ANKRD30B: variants seen among roughly 807,000 people sequenced by gnomAD.
ANKRD30B encodes ankyrin repeat domain 30B.
A neutral mutation model predicts 202.2 loss-of-function variants in ANKRD30B; 144 were observed. That is an observed-to-expected ratio of 0.71 (90% CI 0.62 to 0.82). The LOEUF is 0.82. ANKRD30B is among the 40% of genes least tolerant of loss of function. The pLI is 0.00. For synonymous variants in ANKRD30B, 508 were observed against 561.3 expected (o/e 0.91, Z 1.34); for missense variants, 1,487 against 1,669.1 (o/e 0.89, Z 1.90).
At chr18:14,898,546 G>A in the ANKRD30B span, among the ~76,000 whole-genome samples, 1 of 152,078 alleles carries the variant, frequency 6.6e-6, no homozygotes, top group Non-Finnish European at 1.5e-5. Context: ...AGGGGTTGGG[G>A]ACTCCTGCCG....
At chr18:14,849,223 G>A (rs1971784120) in intron 40 of ANKRD30B, among the ~76,000 whole-genome samples, 1 of 151,722 alleles carries the variant, frequency 6.6e-6, no homozygotes, top group Admixed American at 6.6e-5. Context: ...TATTATAAAT[G>A]CTACAAGACA....
At chr18:14,818,053 G>A (rs73429621) in intron 30 of ANKRD30B, among the ~76,000 whole-genome samples, 9,241 of 152,012 alleles carry the variant, frequency 0.061, 996 homozygotes, top group African/African-American at 0.21. Context: ...GTTGTACTGA[G>A]AAATAAAAAG....
At chr18:14,766,493 A>AAAAAGAAAAGAAAAGAAAAG (rs1209587925) in intron 7 of ANKRD30B, among the ~76,000 whole-genome samples, 1,326 of 84,804 alleles carry the variant, frequency 0.016, 60 homozygotes, top group Middle Eastern at 0.021. Context: ...AAAAAAAAAA[A>AAAAAGAAAAGAAAAGAAAAG]AAAAGAAAAG....
chr18:14,914,392 T>C, the ANKRD30B span, among the ~76,000 whole-genome samples: 1 of 152,318 alleles, frequency 6.6e-6, no homozygotes, highest in South Asian at 2.1e-4. Flanking sequence ...GGTAGCCTGC[T>C]TTAACTGTTA....
chr18:14,890,719 TTAAAGCAATTG>T, the ANKRD30B span, among the ~76,000 whole-genome samples: 1 of 144,396 alleles, frequency 6.9e-6, no homozygotes, highest in Non-Finnish European at 1.5e-5. Context: ...AAAATTCTAA[TTAAAGCAATTG>T]TAAATGATGG....
At chr18:14,927,785 T>C in the ANKRD30B span, among the ~76,000 whole-genome samples, 1 of 152,178 alleles carries the variant, frequency 6.6e-6, no homozygotes, top group Non-Finnish European at 1.5e-5. Flanking sequence ...CTATCTCAAA[T>C]ATATGCAGCT....
At chr18:14,811,304 C>T (rs2144064537) in intron 28 of ANKRD30B, among the ~76,000 whole-genome samples, 1 of 151,212 alleles carries the variant, frequency 6.6e-6, no homozygotes, top group Admixed American at 6.6e-5. Context: ...CTCCACCTCC[C>T]GGCTTCACGC....
At chr18:14,861,746 A>G in the ANKRD30B span, among the ~76,000 whole-genome samples, 33 of 152,258 alleles carry the variant, frequency 2.2e-4, no homozygotes, top group East Asian at 9.6e-4. Flanking sequence ...AAAACTAACA[A>G]TGAAACTGTG....
chr18:14,838,009 C>G (rs1485602045), intron 36 of ANKRD30B, among the ~76,000 whole-genome samples: 3 of 152,102 alleles, frequency 2.0e-5, no homozygotes, highest in Admixed American at 6.6e-5. Flanking sequence ...GAGCGAGACT[C>G]CATCTCAAAA....
intron 30 of ANKRD30B, among the ~76,000 whole-genome samples, chr18:14,820,879 A>T (rs1233000573): frequency 5.9e-5 from 9 of 152,184 alleles, no homozygotes; most frequent in Non-Finnish European, 8.8e-5. Context: ...TGGCCTCATA[A>T]AATGAGTTAG....
intron 24 of ANKRD30B, among the ~76,000 whole-genome samples, chr18:14,805,796 C>T (rs1032387045): frequency 4.7e-5 from 7 of 150,348 alleles, no homozygotes; most frequent in South Asian, 2.1e-4. Flanking sequence ...CTTATCTCCT[C>T]ATCACTCAGC....
chr18:14,749,553 C>T (rs1166748801), intron 1 of ANKRD30B, among the ~76,000 whole-genome samples: 7 of 151,568 alleles, frequency 4.6e-5, no homozygotes, highest in Non-Finnish European at 7.4e-5. Context: ...TGCCTGTAAT[C>T]CCAGCTACTT....
intron 34 of ANKRD30B, 23 bp downstream of exon 34, chr18:14,831,478 T>G (rs1568057906): frequency 1.7e-5 from 23 of 1,352,738 alleles, no homozygotes; most frequent in Non-Finnish European, 2.3e-5. Context: ...CTTGTTAAAT[T>G]GATTTTCTCA....
chr18:14,843,743 G>A (rs1304760601), intron 39 of ANKRD30B, among the ~76,000 whole-genome samples: 1 of 152,118 alleles, frequency 6.6e-6, no homozygotes, highest in African/African-American at 2.4e-5. Flanking sequence ...GCAGTGAGCC[G>A]AGATGGCGCC....
the ANKRD30B span, among the ~76,000 whole-genome samples, chr18:14,864,329 C>T: frequency 3.3e-5 from 5 of 151,988 alleles, no homozygotes; most frequent in Non-Finnish European, 5.9e-5. Flanking sequence ...AGCAGGACTC[C>T]GTCTCAAAAA....
At chr18:14,897,303 C>A in the ANKRD30B span, among the ~76,000 whole-genome samples, 1 of 152,094 alleles carries the variant, frequency 6.6e-6, no homozygotes, top group Non-Finnish European at 1.5e-5. Context: ...TCCTCAGCCT[C>A]CCCTGTAGCT....
At chr18:14,829,030 C>G (rs1404522650) in intron 33 of ANKRD30B, among the ~76,000 whole-genome samples, 3 of 152,072 alleles carry the variant, frequency 2.0e-5, no homozygotes, top group Non-Finnish European at 4.4e-5. Flanking sequence ...GTTGCATGCA[C>G]TCTTCATTTT....
intron 7 of ANKRD30B, among the ~76,000 whole-genome samples, chr18:14,767,869 G>A (rs1215311657): frequency 6.6e-6 from 1 of 152,176 alleles, no homozygotes; most frequent in African/African-American, 2.4e-5. Context: ...GACTATGGTT[G>A]ACCATGAATA....
At chr18:14,876,593 G>A in the ANKRD30B span, among the ~76,000 whole-genome samples, 1 of 152,188 alleles carries the variant, frequency 6.6e-6, no homozygotes, top group Non-Finnish European at 1.5e-5. Context: ...CAGCAGGTTG[G>A]ATTCAGGTTA....
Sources: gnomAD v4.1 joint callset for allele counts (sites outside exome capture counted in the v4.1 genomes callset) on GRCh38, gnomAD v4.1.1 for gene constraint, MANE v1.5 for transcripts, NCBI Gene and HGNC (gene_info 2026-07-23, HGNC 2026-07-21) for gene names.